Variants in UNC13C observed in about 807,000 individuals in gnomAD.
UNC13C encodes unc-13 homolog C, also known as protein unc-13 homolog C.
A neutral mutation model predicts 245.4 loss-of-function variants in UNC13C; 174 were observed. That is an observed-to-expected ratio of 0.71 (90% CI 0.63 to 0.80). UNC13C has a LOEUF of 0.80. Among genes scored for constraint, UNC13C ranks in the 30% least tolerant of loss-of-function variants. The pLI is 0.00. For synonymous variants in UNC13C, 992 were observed against 895.1 expected, an observed-to-expected ratio of 1.11 and a Z score of -1.93; for missense variants, 2,829 against 2,602.9, an observed-to-expected ratio of 1.09 and a Z score of -1.89.
chr15:54,328,497 G>T (rs1042738382), intron 14 of UNC13C, among the ~76,000 whole-genome samples: 1 of 152,102 alleles, frequency 6.6e-6, no homozygotes, highest in African/African-American at 2.4e-5. Context: ...CCTCCCAGGG[G>T]TGCTAAAGAA....
the UNC13C span, among the ~76,000 whole-genome samples, chr15:53,887,272 T>C: frequency 1.1e-4 from 17 of 152,306 alleles, no homozygotes; most frequent in East Asian, 2.1e-3. Context: ...AAATATTGAC[T>C]GCATTAAAAA....
chr15:54,126,857 T>A (rs2031077779), intron 2 of UNC13C, among the ~76,000 whole-genome samples: 1 of 152,080 alleles, frequency 6.6e-6, no homozygotes, highest in South Asian at 2.1e-4. Context: ...TTAAACAAAT[T>A]TACAAGAAAA....
rs796234778 is a variant in UNC13C, at chr15:54,154,865, G to A, written c.3071+11181G>A. ...GAACGTGGATCATTGAAGAAATTGT[G>A]TATAGGCAGGCTTCTGACCAATATA... On this transcript the variant is annotated intron_variant, in intron 4 of 32. Coordinates refer to ENST00000260323, the MANE Select transcript of UNC13C (RefSeq NM_001080534.3). Among the ~76,000 whole-genome samples, 16 of 152,296 alleles carry A rather than the reference G, an allele frequency of 1.1e-4. 2 individuals are homozygous for A. Among genetic ancestry groups the A allele is most frequent in the African/African-American group, 3.6e-4 (15 of 41,562 alleles).
At chr15:54,562,590 A>T (rs1047816544) in intron 29 of UNC13C, among the ~76,000 whole-genome samples, 15 of 152,012 alleles carry the variant, frequency 9.9e-5, no homozygotes, top group African/African-American at 3.1e-4. Context: ...TTATTATTGG[A>T]AATTTTTGAT....
chr15:54,574,396 T>C (rs966230213), intron 30 of UNC13C, among the ~76,000 whole-genome samples: 5 of 152,222 alleles, frequency 3.3e-5, no homozygotes, highest in Non-Finnish European at 7.3e-5. Context: ...TTGATTACAA[T>C]GTTACTAAAA....
chr15:53,967,475 T>A, the UNC13C span, among the ~76,000 whole-genome samples: 2 of 152,160 alleles, frequency 1.3e-5, no homozygotes, highest in Non-Finnish European at 2.9e-5. Flanking sequence ...ACATTCCTTA[T>A]TGCTTTCTTC....
chr15:54,268,552 T>A (rs911593671), intron 10 of UNC13C, among the ~76,000 whole-genome samples: 25 of 152,144 alleles, frequency 1.6e-4, no homozygotes, highest in African/African-American at 5.8e-4. Context: ...TAGCATCCTA[T>A]AGGTATTATT....
chr15:54,457,333 GTTTTC>G (rs1432877010), intron 19 of UNC13C, among the ~76,000 whole-genome samples: 1 of 152,048 alleles, frequency 6.6e-6, no homozygotes, highest in African/African-American at 2.4e-5. Flanking sequence ...ATGTTCTGTA[GTTTTC>G]TTTTTTTATT....
chr15:54,068,603 C>T (rs1047941703), intron 2 of UNC13C, among the ~76,000 whole-genome samples: 2 of 152,118 alleles, frequency 1.3e-5, no homozygotes. Context: ...CTGCCAAACA[C>T]TGCTAAAGGA....
chr15:54,253,683 G>A lies in UNC13C; in HGVS notation c.3448+3239G>A, dbSNP rs569170313. Among the ~76,000 whole-genome samples the A allele has an allele frequency of 3.5e-4, 53 of 152,262 alleles. 2 individuals carry two copies. Among genetic ancestry groups the A allele is most frequent in the East Asian group, 1.5e-3 (8 of 5,188 alleles). On this transcript the variant is annotated intron_variant, in intron 8 of 32. Coordinates refer to ENST00000260323, the MANE Select transcript of UNC13C (RefSeq NM_001080534.3). ...TGACCCTGAATTACGTTAACATAAC[G>A]TGTAAGGAACTTGCTGTAGCACCTC...
At chr15:54,140,600 A>G (rs940063400) in intron 2 of UNC13C, among the ~76,000 whole-genome samples, 4 of 152,244 alleles carry the variant, frequency 2.6e-5, no homozygotes, top group Admixed American at 6.5e-5. Context: ...GGTTTGGGAC[A>G]TAACAGGCAG....
intron 2 of UNC13C, among the ~76,000 whole-genome samples, chr15:54,084,200 G>A (rs1899112057): frequency 6.6e-6 from 1 of 152,206 alleles, no homozygotes; most frequent in South Asian, 2.1e-4. Flanking sequence ...TCTCTTGAGA[G>A]CCCGTCCATT....
chr15:54,019,777 A>G (rs1243270995), intron 2 of UNC13C, among the ~76,000 whole-genome samples: 1 of 152,210 alleles, frequency 6.6e-6, no homozygotes, highest in Non-Finnish European at 1.5e-5. Flanking sequence ...CCTAAGGTAG[A>G]TACTTTGTTA....
At chr15:54,125,352 A>G (rs866228906) in intron 2 of UNC13C, among the ~76,000 whole-genome samples, 7 of 152,052 alleles carry the variant, frequency 4.6e-5, no homozygotes, top group African/African-American at 1.7e-4. Context: ...AATTCCAGCT[A>G]CTCAGGAGGC....
chr15:54,047,289 GT>G (rs1460000791), intron 2 of UNC13C, among the ~76,000 whole-genome samples: 1 of 151,816 alleles, frequency 6.6e-6, no homozygotes, highest in African/African-American at 2.4e-5. Flanking sequence ...TTTTAACCAC[GT>G]TTATGGGTAC....
chr15:54,621,298 C>A (rs117887261), intron 30 of UNC13C, among the ~76,000 whole-genome samples: 2,861 of 152,162 alleles, frequency 0.019, 57 homozygotes, highest in Admixed American at 0.06. Context: ...GAAATTAAAA[C>A]GCCACATAAC....
rs1183734339 is a variant in UNC13C at position 54,078,204 on chromosome 15, T to C, written c.2983+62318T>C. On this transcript the variant is annotated intron_variant, in intron 2 of 32. Transcript: ENST00000260323. ...TAGCTGTGTGGCATTCTATAGTGTG[T>C]ATACATATCATATTTTCTTATCCAT... 2.0e-5 allele frequency among the ~76,000 whole-genome samples: 3 copies of C among 152,226 alleles called. No individual in the cohort carries two copies. In the East Asian group the frequency reaches 5.8e-4, roughly 29 times the overall value.
At chr15:53,878,189 G>A in the UNC13C span, among the ~76,000 whole-genome samples, 1 of 152,180 alleles carries the variant, frequency 6.6e-6, no homozygotes, top group Non-Finnish European at 1.5e-5. Context: ...CTTGGAAATG[G>A]ATGATAACTG....
chr15:54,148,542 C>T, intron 4 of UNC13C, among the ~76,000 whole-genome samples: 1 of 152,144 alleles, frequency 6.6e-6, no homozygotes, highest in East Asian at 1.9e-4. Context: ...CTTTCATAGT[C>T]TTGACTTCCA....
Sources: gnomAD v4.1 joint callset for allele counts (sites outside exome capture counted in the v4.1 genomes callset) on GRCh38, gnomAD v4.1.1 for gene constraint, MANE v1.5 for transcripts, NCBI Gene and HGNC (gene_info 2026-07-23, HGNC 2026-07-21) for gene names.